The following ANKRD17 variants were observed in gnomAD, a reference collection of about 807,000 sequenced individuals.
The protein encoded by ANKRD17 is ankyrin repeat domain 17, also known as ankyrin repeat domain-containing protein 17.
Under a neutral mutation model 229.7 loss-of-function variants are expected in ANKRD17, and 19 were observed. That is an observed-to-expected ratio of 0.08 (90% CI 0.06 to 0.12). The LOEUF (loss-of-function observed/expected upper bound fraction) is 0.12. Among genes scored for constraint, ANKRD17 ranks in the 10% least tolerant of loss-of-function variants. The pLI, the probability that ANKRD17 is intolerant of heterozygous loss-of-function variation, is 1.00. For missense variants in ANKRD17, 2,176 were observed against 3,176.8 expected, an observed-to-expected ratio of 0.68 and a Z score of 7.57; for synonymous variants, 1,112 against 1,146.1, an observed-to-expected ratio of 0.97 and a Z score of 0.60.
At chr4:73,206,820 G>A (rs559717912) in intron 1 of ANKRD17, among the ~76,000 whole-genome samples, 1 of 152,190 alleles carries the variant, frequency 6.6e-6, no homozygotes, top group East Asian at 1.9e-4. Context: ...TTTGCTAAGA[G>A]AATAGATTTT....
At chr4:73,243,072 C>A (rs1314173021) in intron 1 of ANKRD17, among the ~76,000 whole-genome samples, 1 of 152,052 alleles carries the variant, frequency 6.6e-6, no homozygotes, top group Non-Finnish European at 1.5e-5. Context: ...CAGGGGAACA[C>A]CACACTAGGA....
chr4:73,112,116 G>A (rs1219338956), intron 24 of ANKRD17, among the ~76,000 whole-genome samples: 2 of 152,060 alleles, frequency 1.3e-5, no homozygotes, highest in Non-Finnish European at 2.9e-5. Context: ...AAAAAACAAG[G>A]CCAGAGAGGT....
intron 1 of ANKRD17, among the ~76,000 whole-genome samples, chr4:73,227,161 A>G (rs1170792729): frequency 6.6e-6 from 1 of 151,866 alleles, no homozygotes; most frequent in Non-Finnish European, 1.5e-5. Context: ...GTTCAACCTA[A>G]TTTTATTTTT....
chr4:73,207,475 G>C (rs966685303), intron 1 of ANKRD17, among the ~76,000 whole-genome samples: 1 of 152,108 alleles, frequency 6.6e-6, no homozygotes, highest in Non-Finnish European at 1.5e-5. Flanking sequence ...TTAAAGGGCA[G>C]ATATTGACAG....
rs1458415887 is a variant in ANKRD17 at position 73,215,336 on chromosome 4, T to G, written c.394-37803A>C. ...GTTCAGTGGTGCTATCTCGGCTCAC[T>G]GCAACCTCCGCCTCGCGGGTTCAAG... On this transcript the variant is annotated intron_variant, in intron 1 of 33. Coordinates refer to ENST00000358602, the MANE Select transcript of ANKRD17 (RefSeq NM_032217.5). Among the ~76,000 whole-genome samples, 3 of 152,038 alleles carry G rather than the reference T, an allele frequency of 2.0e-5. No individual in the cohort carries two copies. In the East Asian group the frequency reaches 5.8e-4, roughly 29 times the overall value.
At chr4:73,211,327 T>A (rs1740223165) in intron 1 of ANKRD17, among the ~76,000 whole-genome samples, 1 of 152,120 alleles carries the variant, frequency 6.6e-6, no homozygotes, top group African/African-American at 2.4e-5. Context: ...GGTATTAGGA[T>A]ACAATGTAAA....
At position 73,209,231 on chromosome 4, in the gene ANKRD17, A is replaced by C. The variant is rs533273816; in HGVS notation, c.394-31698T>G. ...AAAAACAAAAAACAAAACAAAACAA[A>C]GAAAAACAAAATAGAAAATAATCAG... On this transcript the variant is annotated intron_variant, in intron 1 of 33. Coordinates refer to ENST00000358602, the MANE Select transcript of ANKRD17 (RefSeq NM_032217.5). 9.0e-4 allele frequency among the ~76,000 whole-genome samples: 137 copies of C among 152,288 alleles called. 4 individuals carry two copies. In the South Asian group the frequency reaches 0.028, roughly 31 times the overall value.
At chr4:73,194,239 T>C (rs1454589832) in intron 1 of ANKRD17, among the ~76,000 whole-genome samples, 2 of 152,230 alleles carry the variant, frequency 1.3e-5, no homozygotes, top group African/African-American at 4.8e-5. Flanking sequence ...ATTGTTTACA[T>C]TGAGGCATAT....
intron 1 of ANKRD17, among the ~76,000 whole-genome samples, chr4:73,202,770 T>G: frequency 6.6e-6 from 1 of 152,078 alleles, no homozygotes; most frequent in Non-Finnish European, 1.5e-5. Context: ...TATCACAACA[T>G]CCAGCATCTA....
intron 31 of ANKRD17, 108 bp from the exon 32 acceptor site, chr4:73,077,641 T>A: frequency 1.1e-6 from 1 of 937,862 alleles, no homozygotes; most frequent in Non-Finnish European, 1.5e-6. Context: ...TATTTCAATA[T>A]AATGACCTAC....
chr4:73,106,365 A>G (rs1371654565), intron 24 of ANKRD17, among the ~76,000 whole-genome samples: 3 of 152,172 alleles, frequency 2.0e-5, no homozygotes, highest in African/African-American at 7.2e-5. Flanking sequence ...GCTTTATAAG[A>G]TAAGAATTTA....
intron 1 of ANKRD17, among the ~76,000 whole-genome samples, chr4:73,217,585 C>T (rs1741246877): frequency 2.0e-5 from 3 of 151,930 alleles, no homozygotes; most frequent in Admixed American, 2.0e-4. Flanking sequence ...TGGTCTTGAA[C>T]TCCTGGGCTC....
intron 1 of ANKRD17, among the ~76,000 whole-genome samples, chr4:73,195,211 G>C (rs940792506): frequency 6.6e-5 from 10 of 152,010 alleles, no homozygotes; most frequent in African/African-American, 2.4e-4. Flanking sequence ...TATATTCCTA[G>C]GATACACACC....
chr4:73,240,877 C>T (rs1235965283), intron 1 of ANKRD17, among the ~76,000 whole-genome samples: 4 of 146,428 alleles, frequency 2.7e-5, no homozygotes, highest in Admixed American at 1.4e-4. Flanking sequence ...GGCACAATCT[C>T]GGCTCACTGC....
intron 2 of ANKRD17, among the ~76,000 whole-genome samples, chr4:73,170,543 G>C (rs953888794): frequency 3.3e-5 from 5 of 150,862 alleles, no homozygotes; most frequent in African/African-American, 9.7e-5. Context: ...GTCGGGGGGC[G>C]GGGGGCTGTT....
At chr4:73,145,901 G>A (rs1183039190) in intron 10 of ANKRD17, among the ~76,000 whole-genome samples, 1 of 152,012 alleles carries the variant, frequency 6.6e-6, no homozygotes, top group Non-Finnish European at 1.5e-5. Flanking sequence ...ATTACTGAAG[G>A]GGGGCTTGTT....
intron 1 of ANKRD17, among the ~76,000 whole-genome samples, chr4:73,217,800 C>T (rs1309103988): frequency 1.3e-5 from 2 of 152,152 alleles, no homozygotes; most frequent in Admixed American, 6.5e-5. Context: ...AAACTACATT[C>T]GGACTATGTG....
intron 1 of ANKRD17, among the ~76,000 whole-genome samples, chr4:73,203,784 AAG>A (rs1215283997): frequency 6.6e-6 from 1 of 151,402 alleles, no homozygotes; most frequent in East Asian, 1.9e-4. Context: ...AAAAAAGAAA[AAG>A]AAATAATGTC....
rs146737829 is a variant in ANKRD17 at position 73,171,569 on chromosome 4, A to T, written c.547+5811T>A. Among the ~76,000 whole-genome samples, 37 of 152,354 alleles carry T rather than the reference A, an allele frequency of 2.4e-4. 2 individuals are homozygous for T. In the East Asian group the frequency reaches 6.8e-3, roughly 28 times the overall value. Reference sequence around the variant, plus strand: ...AACATGACCTCACCAAATGAACTATATAAGGCACCAGGGACCAATTCTGGA... The same window carrying T: ...AACATGACCTCACCAAATGAACTATTTAAGGCACCAGGGACCAATTCTGGA... On this transcript the variant is annotated intron_variant, in intron 2 of 33. Coordinates refer to ENST00000358602, the MANE Select transcript of ANKRD17 (RefSeq NM_032217.5).
Sources: allele counts gnomAD v4.1 joint callset (sites outside exome capture counted in the v4.1 genomes callset), GRCh38; gene constraint gnomAD v4.1.1; transcripts MANE v1.5; gene names NCBI Gene and HGNC (gene_info 2026-07-23, HGNC 2026-07-21).